The following USP40 variants were observed in gnomAD, a reference collection of about 807,000 sequenced individuals.
USP40 encodes the protein ubiquitin carboxyl-terminal hydrolase 40.
In USP40, 143 loss-of-function variants were observed where a neutral mutation model predicts 166.2. That is an observed-to-expected ratio of 0.86 (90% CI 0.75 to 0.99). USP40 has a LOEUF of 0.99. Among genes scored for constraint, USP40 ranks in the 50% least tolerant of loss-of-function variants. The pLI, the probability that USP40 is intolerant of heterozygous loss-of-function variation, is 0.00. For missense variants in USP40, 1,444 were observed against 1,479.7 expected (o/e 0.98, Z 0.40); for synonymous variants, 498 against 524.0 (o/e 0.95, Z 0.68).
At chr2:233,494,917 TA>T (rs368597027) in intron 24 of USP40, among the ~76,000 whole-genome samples, 49,337 of 71,048 alleles carry the variant, frequency 0.69, 15,840 homozygotes, top group Middle Eastern at 0.79. Flanking sequence ...CAAAATGGCA[TA>T]TATATATATA....
chr2:233,519,851 C>T (rs1254989637), intron 17 of USP40, among the ~76,000 whole-genome samples, 180 bp from the exon 18 acceptor site: 3 of 152,060 alleles, frequency 2.0e-5, no homozygotes, highest in Non-Finnish European at 4.4e-5. Context: ...AAAGCAAAAA[C>T]TTAGGACTTC....
intron 6 of USP40, among the ~76,000 whole-genome samples, chr2:233,552,283 T>C (rs1454213508): frequency 6.8e-6 from 1 of 147,886 alleles, no homozygotes; most frequent in Non-Finnish European, 1.5e-5. Context: ...TCAAACAAGC[T>C]CTAAAAATGC....
In USP40 at chr2:233,533,468, T is replaced by C; in HGVS notation, c.1471+11A>G. ...TAACTGAAACAAATAGGAACATTTT[T>C]CTTTCCATACCTTCAGGGGGTCTCT... On this transcript the variant is annotated intron_variant, in intron 11 of 31. Transcript: ENST00000678225. 1.2e-6 allele frequency: 2 copies of C among 1,601,634 alleles called. No individual in the cohort carries two copies. The highest frequency in any genetic ancestry group is 1.7e-6 in the Non-Finnish European group (2 of 1,173,090).
chr2:233,524,158 CT>C (rs2067852144), intron 15 of USP40, among the ~76,000 whole-genome samples: 2 of 152,074 alleles, frequency 1.3e-5, no homozygotes, highest in Admixed American at 1.3e-4. Context: ...GAGATGGAGT[CT>C]TGCCCTGTCA....
Position 233,513,490 on chromosome 2 carries a change from G to A in USP40, c.2384-868C>T, listed in dbSNP as rs888604202. Among the ~76,000 whole-genome samples, 13 of 152,180 alleles carry A rather than the reference G, an allele frequency of 8.5e-5. 1 individual carries two copies. The highest frequency in any genetic ancestry group is 1.5e-5 in the Non-Finnish European group (1 of 68,034). ...AATGGTTACTGCTTGTGGTGCACAT[G>A]TGTTATTTATGTGATGAATTGTGCC... On this transcript the variant is annotated intron_variant, in intron 18 of 31. Coordinates refer to ENST00000678225, the MANE Select transcript of USP40 (RefSeq NM_001365479.2).
intron 8 of USP40, among the ~76,000 whole-genome samples, chr2:233,543,939 C>T (rs1184042994): frequency 6.6e-6 from 1 of 152,202 alleles, no homozygotes; most frequent in Non-Finnish European, 1.5e-5. Context: ...TTTCAAACAA[C>T]AATCAATTCT....
chr2:233,507,231 A>G (rs2066488221), intron 21 of USP40, among the ~76,000 whole-genome samples: 1 of 152,242 alleles, frequency 6.6e-6, no homozygotes, highest in Admixed American at 6.5e-5. Flanking sequence ...GTGAGACTGT[A>G]AATTAGTACG....
intron 7 of USP40, 84 bp downstream of exon 7, chr2:233,551,292 A>G (rs1372121762): frequency 7.1e-7 from 1 of 1,413,672 alleles, no homozygotes; most frequent in East Asian, 2.4e-5. Flanking sequence ...AGATTCTCAC[A>G]ATAAACCAAC....
intron 8 of USP40, chr2:233,546,957 T>A (rs1280174111): frequency 6.6e-6 from 1 of 152,130 alleles, no homozygotes; most frequent in African/African-American, 2.4e-5. Context: ...TTTAACTTCC[T>A]CTAATTGGGA....
At chr2:233,478,891 A>G (rs555797722) in intron 31 of USP40, among the ~76,000 whole-genome samples, 1 of 152,338 alleles carries the variant, frequency 6.6e-6, no homozygotes, top group South Asian at 2.1e-4. Flanking sequence ...ACGCTGGCCC[A>G]TCTAGGAGAG....
At chr2:233,565,238 A>G (rs2072033245) in intron 2 of USP40, 118 bp downstream of exon 2, 1 of 815,338 alleles carries the variant, frequency 1.2e-6, no homozygotes, top group South Asian at 1.9e-5. Context: ...GTGCAACAAT[A>G]AACACATACT....
At chr2:233,494,851 A>C (rs1184889584) in intron 24 of USP40, among the ~76,000 whole-genome samples, 2 of 142,538 alleles carry the variant, frequency 1.4e-5, no homozygotes, top group African/African-American at 2.5e-5. Context: ...AACCAAAAAA[A>C]AAACTGTGCA....
intron 7 of USP40, 59 bp downstream of exon 7, chr2:233,551,317 A>G: frequency 6.6e-7 from 1 of 1,526,172 alleles, no homozygotes; most frequent in East Asian, 2.3e-5. Context: ...AATCGGGTCA[A>G]TAATAGATTC....
intron 30 of USP40, 137 bp from the exon 31 acceptor site, chr2:233,481,434 T>TAA (rs1283345430): frequency 1.3e-6 from 1 of 751,564 alleles, no homozygotes; most frequent in African/African-American, 1.8e-5. Context: ...AATAACTGAT[T>TAA]AAAAAAAATC....
intron 23 of USP40, among the ~76,000 whole-genome samples, chr2:233,497,439 C>T (rs1418878283): frequency 1.3e-5 from 2 of 152,086 alleles, no homozygotes; most frequent in Admixed American, 1.3e-4. Context: ...AGGTGAGAGG[C>T]ATACGAAGGC....
chr2:233,485,117 T>C (rs2064863972), intron 30 of USP40, among the ~76,000 whole-genome samples: 1 of 152,238 alleles, frequency 6.6e-6, no homozygotes, highest in Non-Finnish European at 1.5e-5. Flanking sequence ...TTTTATTTTA[T>C]GCTTTTTCTG....
At chr2:233,498,670 G>C in intron 22 of USP40, 58 bp from the exon 23 acceptor site, 1 of 1,418,000 alleles carries the variant, frequency 7.1e-7, no homozygotes, top group Non-Finnish European at 9.9e-7. Flanking sequence ...GACGTTGCGT[G>C]TAACTTCTAG....
At chr2:233,504,645 C>T (rs528418288) in intron 21 of USP40, among the ~76,000 whole-genome samples, 20 of 151,870 alleles carry the variant, frequency 1.3e-4, no homozygotes, top group African/African-American at 4.3e-4. Context: ...TAAAGGGATT[C>T]AATGAGAGGA....
In USP40 at chr2:233,523,157, G is replaced by A. The variant is rs1246919505; in HGVS notation, c.2201+13C>T. 1.9e-6 allele frequency: 3 copies of A among 1,588,228 alleles called. No homozygotes were observed. Among genetic ancestry groups the A allele is most frequent in the Admixed American group, 1.8e-5 (1 of 56,686 alleles). On this transcript the variant is annotated intron_variant, in intron 16 of 31. Coordinates refer to ENST00000678225, the MANE Select transcript of USP40 (RefSeq NM_001365479.2). ...GACTTTTAGAAATCCTTTTTCTCTT[G>A]TTAGCGAGTTACCTGTTATCATCAT... is the stretch of plus-strand genomic sequence containing the variant.
Sources: allele counts gnomAD v4.1 joint callset (sites outside exome capture counted in the v4.1 genomes callset), GRCh38; gene constraint gnomAD v4.1.1; transcripts MANE v1.5; gene names NCBI Gene and HGNC (gene_info 2026-07-23, HGNC 2026-07-21).